ROBO2: variants seen among roughly 807,000 people sequenced by gnomAD.
ROBO2 encodes roundabout guidance receptor 2.
Under a neutral mutation model 160.8 loss-of-function variants are expected in ROBO2, and 53 were observed. That is an observed-to-expected ratio of 0.33 (90% CI 0.26 to 0.41). The LOEUF is 0.41. ROBO2 is among the 10% of genes least tolerant of loss of function. The probability of loss-of-function intolerance (pLI) is 1.00; values close to 1 mark genes in which losing one functional copy is unlikely to be tolerated. For synonymous variants in ROBO2, 664 were observed against 611.7 expected, an observed-to-expected ratio of 1.09 and a Z score of -1.26; for missense variants, 1,577 against 1,722.4, an observed-to-expected ratio of 0.92 and a Z score of 1.49.
chr3:76,758,249 CCTT>C (rs2061098970), intron 2 of ROBO2, among the ~76,000 whole-genome samples: 1 of 151,668 alleles, frequency 6.6e-6, no homozygotes, highest in Non-Finnish European at 1.5e-5. Context: ...ACATTTAATA[CCTT>C]CTTCTGAAAG....
chr3:76,068,006 C>G (rs1050180155), intron 2 of ROBO2, among the ~76,000 whole-genome samples: 2 of 152,116 alleles, frequency 1.3e-5, no homozygotes, highest in African/African-American at 4.8e-5. Flanking sequence ...ATTTAAAACT[C>G]TTAATATGTC....
intron 2 of ROBO2, among the ~76,000 whole-genome samples, chr3:76,134,607 G>T (rs940718851): frequency 3.3e-5 from 5 of 151,950 alleles, no homozygotes; most frequent in African/African-American, 1.2e-4. Flanking sequence ...GTATGGAATG[G>T]CCTGAGCTTG....
At chr3:76,171,975 C>A (rs1000335068) in intron 2 of ROBO2, among the ~76,000 whole-genome samples, 1 of 151,956 alleles carries the variant, frequency 6.6e-6, no homozygotes, top group Non-Finnish European at 1.5e-5. Context: ...AAAGAACATA[C>A]CCAAGTCTTC....
chr3:76,798,262 A>AAG (rs1176958820), intron 2 of ROBO2, among the ~76,000 whole-genome samples: 17 of 125,570 alleles, frequency 1.4e-4, no homozygotes, highest in African/African-American at 5.3e-4. Flanking sequence ...GAAAGAAGGA[A>AAG]AGAAAGAAAG....
intron 2 of ROBO2, among the ~76,000 whole-genome samples, chr3:76,139,039 T>A (rs2071534071): frequency 6.6e-6 from 1 of 152,134 alleles, no homozygotes; most frequent in Non-Finnish European, 1.5e-5. Context: ...AAGATTTGAG[T>A]TGAAACAGTG....
intron 1 of ROBO2, among the ~76,000 whole-genome samples, chr3:77,070,460 C>T (rs2067290430): frequency 6.6e-6 from 1 of 151,966 alleles, no homozygotes; most frequent in Admixed American, 6.6e-5. Context: ...TTTCATTGAA[C>T]TTAGAACCCA....
intron 2 of ROBO2, among the ~76,000 whole-genome samples, chr3:76,732,279 G>A (rs1047565670): frequency 6.6e-6 from 1 of 152,162 alleles, no homozygotes; most frequent in Non-Finnish European, 1.5e-5. Flanking sequence ...ATATGTTGAT[G>A]TGGCTGAAGT....
chr3:76,702,551 C>CAGAG (rs35683150), intron 2 of ROBO2, among the ~76,000 whole-genome samples: 92,476 of 151,204 alleles, frequency 0.61, 29,431 homozygotes, highest in East Asian at 0.8. Context: ...GAGAAATAGA[C>CAGAG]AGAGAAAGAG....
chr3:76,128,312 G>A (rs999259581), intron 2 of ROBO2, among the ~76,000 whole-genome samples: 2 of 152,096 alleles, frequency 1.3e-5, no homozygotes, highest in African/African-American at 2.4e-5. Context: ...GGCCTTTACA[G>A]CAAGGAGCTC....
intron 2 of ROBO2, among the ~76,000 whole-genome samples, chr3:77,379,510 C>T (rs940574771): frequency 1.3e-5 from 2 of 151,914 alleles, no homozygotes; most frequent in African/African-American, 2.4e-5. Flanking sequence ...TAACTTAATA[C>T]GTCAGTAGCT....
intron 2 of ROBO2, among the ~76,000 whole-genome samples, chr3:76,611,349 T>A (rs769207799): frequency 6.6e-6 from 1 of 152,102 alleles, no homozygotes; most frequent in Non-Finnish European, 1.5e-5. Flanking sequence ...GGATTTGTAT[T>A]TTTTTTCTTT....
chr3:76,043,395 T>C (rs971875884), intron 2 of ROBO2, among the ~76,000 whole-genome samples: 6 of 151,534 alleles, frequency 4.0e-5, no homozygotes, highest in African/African-American at 1.5e-4. Flanking sequence ...TTTTGCTGAG[T>C]TGACTACAGG....
At chr3:77,469,203 G>A (rs1384171373) in intron 2 of ROBO2, among the ~76,000 whole-genome samples, 1 of 152,148 alleles carries the variant, frequency 6.6e-6, no homozygotes, top group Non-Finnish European at 1.5e-5. Flanking sequence ...AATATAAAAG[G>A]AAACATACCT....
At chr3:76,212,171 C>T (rs1703186708) in intron 2 of ROBO2, among the ~76,000 whole-genome samples, 1 of 151,812 alleles carries the variant, frequency 6.6e-6, no homozygotes, top group Non-Finnish European at 1.5e-5. Context: ...AATTTTATAA[C>T]ATTCTTTAAT....
At chr3:77,198,065 A>T (rs1241103401) in intron 2 of ROBO2, among the ~76,000 whole-genome samples, 1 of 152,246 alleles carries the variant, frequency 6.6e-6, no homozygotes, top group African/African-American at 2.4e-5. Context: ...TGCCTGACAC[A>T]TAGTAGGTGC....
chr3:76,277,334 C>T (rs904233623), intron 2 of ROBO2, among the ~76,000 whole-genome samples: 2 of 152,054 alleles, frequency 1.3e-5, no homozygotes, highest in South Asian at 2.1e-4. Context: ...TTAGACTCTA[C>T]CTACAATGCT....
At chr3:76,104,731 A>G (rs2069847083) in intron 2 of ROBO2, among the ~76,000 whole-genome samples, 1 of 152,148 alleles carries the variant, frequency 6.6e-6, no homozygotes, top group Non-Finnish European at 1.5e-5. Context: ...CTTTTAAAAC[A>G]TTTCTAGCGA....
chr3:77,294,967 T>A (rs2061872003), intron 2 of ROBO2, among the ~76,000 whole-genome samples: 2 of 150,866 alleles, frequency 1.3e-5, no homozygotes, highest in East Asian at 2.0e-4. Flanking sequence ...TGAGGCTAGA[T>A]CACCAAAGAC....
chr3:76,145,875 A>G (rs2071867343), intron 2 of ROBO2, among the ~76,000 whole-genome samples: 1 of 152,006 alleles, frequency 6.6e-6, no homozygotes, highest in Non-Finnish European at 1.5e-5. Flanking sequence ...ACCTGTCTAT[A>G]TTTTACTTTC....
Sources: allele counts gnomAD v4.1 joint callset (sites outside exome capture counted in the v4.1 genomes callset), GRCh38; gene constraint gnomAD v4.1.1; transcripts MANE v1.5; gene names NCBI Gene and HGNC (gene_info 2026-07-23, HGNC 2026-07-21).